The following SEMA3D variants were observed in gnomAD, a reference collection of about 807,000 sequenced individuals.
SEMA3D encodes the protein semaphorin-3D.
A neutral mutation model predicts 100.1 loss-of-function variants in SEMA3D; 84 were observed. The ratio of observed to expected loss-of-function variants is 0.84; its 90% CI spans 0.70 to 1.01. The LOEUF (loss-of-function observed/expected upper bound fraction) is 1.01, where lower values mean the gene tolerates loss of function less well. SEMA3D is among the 50% of genes least tolerant of loss of function. SEMA3D has a pLI of 0.00. For synonymous variants in SEMA3D, 312 were observed against 320.7 expected, an observed-to-expected ratio of 0.97 and a Z score of 0.29; for missense variants, 875 against 934.1, an observed-to-expected ratio of 0.94 and a Z score of 0.82.
At chr7:85,183,516 T>G (rs1036242460) in intron 1 of SEMA3D, among the ~76,000 whole-genome samples, 3 of 152,290 alleles carry the variant, frequency 2.0e-5, no homozygotes, top group African/African-American at 7.2e-5. Flanking sequence ...TTCCTGACCT[T>G]CCCTGCCACC....
At chr7:85,034,329 G>T (rs1266246685) in intron 12 of SEMA3D, among the ~76,000 whole-genome samples, 1 of 152,018 alleles carries the variant, frequency 6.6e-6, no homozygotes, top group Non-Finnish European at 1.5e-5. Context: ...GACCTAGGCC[G>T]GGCATGGTGG....
At chr7:85,249,155 A>C in the SEMA3D span, among the ~76,000 whole-genome samples, 1 of 152,170 alleles carries the variant, frequency 6.6e-6, no homozygotes, top group Admixed American at 6.5e-5. Flanking sequence ...TAGTCTTTTT[A>C]AGTGTTCTAA....
At chr7:85,216,022 C>A in the SEMA3D span, among the ~76,000 whole-genome samples, 4 of 151,950 alleles carry the variant, frequency 2.6e-5, no homozygotes, top group African/African-American at 9.7e-5. Flanking sequence ...GTTATGCAGA[C>A]CTTCCAAATG....
intron 2 of SEMA3D, chr7:85,140,829 T>C: frequency 1.1e-6 from 1 of 895,232 alleles, no homozygotes; most frequent in Non-Finnish European, 1.3e-6. Context: ...ATTATAAAAG[T>C]AGTTTTTCAC....
At chr7:85,111,096 T>G (rs1789080612) in intron 3 of SEMA3D, among the ~76,000 whole-genome samples, 1 of 152,094 alleles carries the variant, frequency 6.6e-6, no homozygotes, top group Non-Finnish European at 1.5e-5. Flanking sequence ...TACCTGGGCA[T>G]TCCTTTTCAG....
chr7:85,024,851 G>A (rs888509614), intron 12 of SEMA3D, among the ~76,000 whole-genome samples: 11 of 152,050 alleles, frequency 7.2e-5, no homozygotes, highest in East Asian at 3.9e-4. Flanking sequence ...GAATTTTTGC[G>A]TTGATATCAT....
the SEMA3D span, among the ~76,000 whole-genome samples, chr7:85,219,682 T>C: frequency 2.0e-5 from 3 of 152,160 alleles, no homozygotes; most frequent in East Asian, 5.8e-4. Flanking sequence ...TAGGAGTCTT[T>C]CAAGGATACA....
intron 1 of SEMA3D, chr7:85,181,759 C>T (rs1348631635): frequency 1.0e-6 from 1 of 981,510 alleles, no homozygotes; most frequent in East Asian, 1.1e-4. Flanking sequence ...AGTGAGCAAA[C>T]TGAATAAACT....
chr7:85,145,188 C>G (rs1341251165), intron 2 of SEMA3D, among the ~76,000 whole-genome samples: 1 of 151,254 alleles, frequency 6.6e-6, no homozygotes, highest in Admixed American at 6.6e-5. Flanking sequence ...TTATGCCAGT[C>G]TGGCATAATA....
chr7:85,036,775 A>G, intron 12 of SEMA3D, 114 bp downstream of exon 12: 2 of 799,388 alleles, frequency 2.5e-6, no homozygotes, highest in East Asian at 5.6e-5. Flanking sequence ...TTCACTGCAA[A>G]TAAATGTTAT....
Position 85,184,407 on chromosome 7 carries a change from A to AT in SEMA3D, c.-173+2270dup, listed in dbSNP as rs557001879. 2.3e-3 allele frequency among the ~76,000 whole-genome samples: 356 copies of AT among 151,654 alleles called. 5 individuals are homozygous for AT. Among genetic ancestry groups the AT allele is most frequent in the Admixed American group, 0.013 (198 of 15,236 alleles). On this transcript the variant is annotated intron_variant, in intron 1 of 18. Coordinates refer to ENST00000284136, the MANE Select transcript of SEMA3D (RefSeq NM_001384900.1). ...CCTAGCTTATTCCCCCAGCAATACA[A>AT]TTTTTTTTTAAGAATTACGGTTCTT...
At chr7:85,019,994 T>C (rs964911249) in intron 14 of SEMA3D, among the ~76,000 whole-genome samples, 2 of 151,622 alleles carry the variant, frequency 1.3e-5, no homozygotes, top group African/African-American at 2.4e-5. Context: ...GCTTAGAGAA[T>C]GCAGTAATGA....
At chr7:85,083,378 T>C (rs1210189881) in intron 4 of SEMA3D, among the ~76,000 whole-genome samples, 1 of 152,190 alleles carries the variant, frequency 6.6e-6, no homozygotes, top group Admixed American at 6.5e-5. Flanking sequence ...CAATGGACAA[T>C]GGTTAGTCAT....
chr7:85,017,005 TCTTA>T (rs890589484), intron 15 of SEMA3D, among the ~76,000 whole-genome samples: 2 of 151,660 alleles, frequency 1.3e-5, no homozygotes, highest in Non-Finnish European at 2.9e-5. Context: ...TCTTGTTCTG[TCTTA>T]CTTCTCCAGA....
At chr7:85,129,233 G>A (rs1789656063) in intron 2 of SEMA3D, among the ~76,000 whole-genome samples, 1 of 151,964 alleles carries the variant, frequency 6.6e-6, no homozygotes, top group Admixed American at 6.6e-5. Context: ...GTTTCTTTCA[G>A]CAGCACTTAT....
At chr7:85,231,812 T>G in the SEMA3D span, among the ~76,000 whole-genome samples, 1 of 152,260 alleles carries the variant, frequency 6.6e-6, no homozygotes, top group Admixed American at 6.5e-5. Context: ...TTCCATCTTT[T>G]TTTTCATACA....
intron 4 of SEMA3D, among the ~76,000 whole-genome samples, chr7:85,083,401 G>A (rs529915157): frequency 1.3e-5 from 2 of 152,276 alleles, no homozygotes; most frequent in South Asian, 2.1e-4. Context: ...ACCCAGAATC[G>A]TGAAGCCATA....
At chr7:85,020,121 A>G (rs183131177) in intron 14 of SEMA3D, 112 bp downstream of exon 14, 10 of 686,974 alleles carry the variant, frequency 1.5e-5, no homozygotes, top group Admixed American at 2.8e-5. Context: ...AAGAAAGCTA[A>G]TTTCAAAGGC....
intron 3 of SEMA3D, among the ~76,000 whole-genome samples, chr7:85,115,930 T>A (rs559929559): frequency 6.6e-6 from 1 of 152,152 alleles, no homozygotes; most frequent in Admixed American, 6.6e-5. Context: ...GCATTAGCAA[T>A]GTTTCCAAGC....
Sources: allele counts gnomAD v4.1 joint callset (sites outside exome capture counted in the v4.1 genomes callset), GRCh38; gene constraint gnomAD v4.1.1; transcripts MANE v1.5; gene names NCBI Gene and HGNC (gene_info 2026-07-23, HGNC 2026-07-21).